Variants in IQGAP2 observed in about 807,000 individuals in gnomAD.
The protein encoded by IQGAP2 is IQ motif containing GTPase activating protein 2.
A neutral mutation model predicts 201.3 loss-of-function variants in IQGAP2; 173 were observed. That is an observed-to-expected ratio of 0.86 (90% CI 0.76 to 0.98). The LOEUF (loss-of-function observed/expected upper bound fraction) is 0.98. Among genes scored for constraint, IQGAP2 ranks in the 50% least tolerant of loss-of-function variants. The probability of loss-of-function intolerance (pLI) is 0.00; values close to 1 mark genes in which losing one functional copy is unlikely to be tolerated. For missense variants in IQGAP2, 1,687 were observed against 1,864.8 expected (o/e 0.90, Z 1.76); for synonymous variants, 675 against 673.9 (o/e 1.00, Z -0.03).
At chr5:76,550,144 A>G (rs1743349469) in intron 2 of IQGAP2, among the ~76,000 whole-genome samples, 1 of 152,170 alleles carries the variant, frequency 6.6e-6, no homozygotes, top group Admixed American at 6.5e-5. Context: ...CAGACAAGTT[A>G]TTTGCTTCCA....
At chr5:76,651,326 C>T (rs956850323) in intron 17 of IQGAP2, among the ~76,000 whole-genome samples, 18 of 152,120 alleles carry the variant, frequency 1.2e-4, no homozygotes, top group Admixed American at 9.8e-4. Flanking sequence ...ATGTTTGGGC[C>T]AGGCATGGCT....
chr5:76,435,662 A>C (rs527352731), intron 1 of IQGAP2, among the ~76,000 whole-genome samples: 5 of 152,142 alleles, frequency 3.3e-5, no homozygotes, highest in Non-Finnish European at 7.4e-5. Flanking sequence ...TGCTTTGACT[A>C]TTCAGGCTGT....
intron 21 of IQGAP2, among the ~76,000 whole-genome samples, chr5:76,662,209 T>C (rs3797444): frequency 0.78 from 118,245 of 152,152 alleles, 46,552 homozygotes; most frequent in African/African-American, 0.88. Flanking sequence ...CCGGGCTCTG[T>C]CCTTGGAGCT....
At chr5:76,619,422 C>T (rs1459409393) in intron 13 of IQGAP2, among the ~76,000 whole-genome samples, 1 of 151,756 alleles carries the variant, frequency 6.6e-6, no homozygotes, top group African/African-American at 2.4e-5. Context: ...TAGCCCCCCG[C>T]AAAGATTCTA....
At chr5:76,481,606 A>T (rs1580285350) in intron 2 of IQGAP2, among the ~76,000 whole-genome samples, 2 of 151,112 alleles carry the variant, frequency 1.3e-5, no homozygotes, top group Admixed American at 1.3e-4. Flanking sequence ...CTTGTCTTGA[A>T]CTCCTGACCT....
At chr5:76,452,922 T>G (rs537137896) in intron 1 of IQGAP2, among the ~76,000 whole-genome samples, 1 of 146,792 alleles carries the variant, frequency 6.8e-6, no homozygotes, top group South Asian at 2.2e-4. Flanking sequence ...TTTTTTTTTT[T>G]TTTTTTGAGA....
chr5:76,421,269 T>C (rs1007345519), intron 1 of IQGAP2, among the ~76,000 whole-genome samples: 2 of 152,094 alleles, frequency 1.3e-5, no homozygotes, highest in Admixed American at 6.6e-5. Flanking sequence ...TGGGAGGTCA[T>C]GTGTAAATTC....
intron 10 of IQGAP2, among the ~76,000 whole-genome samples, chr5:76,600,492 T>A (rs916053224): frequency 4.6e-5 from 7 of 152,330 alleles, no homozygotes; most frequent in Admixed American, 3.9e-4. Context: ...GTCCTTGGCT[T>A]AATTATATGG....
At chr5:76,700,794 G>C (rs1171522085) in intron 33 of IQGAP2, among the ~76,000 whole-genome samples, 7 of 152,064 alleles carry the variant, frequency 4.6e-5, no homozygotes, top group African/African-American at 1.7e-4. Context: ...ATAGCCACTT[G>C]GTTCAATATA....
At chr5:76,587,423 TAAC>T (rs1196144155) in intron 5 of IQGAP2, among the ~76,000 whole-genome samples, 12 of 152,326 alleles carry the variant, frequency 7.9e-5, no homozygotes, top group East Asian at 7.7e-4. Flanking sequence ...TATTAATTAA[TAAC>T]AATCTAAATG....
At chr5:76,640,084 A>G (rs1248074688) in intron 16 of IQGAP2, among the ~76,000 whole-genome samples, 1 of 152,102 alleles carries the variant, frequency 6.6e-6, no homozygotes, top group East Asian at 1.9e-4. Flanking sequence ...TGGAAGGTCT[A>G]ACACTGTTAT....
At chr5:76,608,262 A>G (rs1013614235) in intron 12 of IQGAP2, among the ~76,000 whole-genome samples, 7 of 152,242 alleles carry the variant, frequency 4.6e-5, no homozygotes, top group Admixed American at 3.9e-4. Context: ...CACTTCTGTT[A>G]AGTATCTTGT....
At chr5:76,684,129 G>A (rs1745540069) in intron 30 of IQGAP2, among the ~76,000 whole-genome samples, 1 of 152,140 alleles carries the variant, frequency 6.6e-6, no homozygotes, top group African/African-American at 2.4e-5. Context: ...ACCTTCCTTG[G>A]TTTTTAGTTT....
intron 12 of IQGAP2, 85 bp from the exon 13 acceptor site, chr5:76,610,935 G>A: frequency 8.9e-7 from 1 of 1,129,324 alleles, no homozygotes; most frequent in Non-Finnish European, 1.3e-6. Flanking sequence ...TGCTGTACTA[G>A]TTAATTAGCC....
intron 1 of IQGAP2, among the ~76,000 whole-genome samples, chr5:76,435,296 T>G (rs1315232896): frequency 1.3e-5 from 2 of 152,312 alleles, no homozygotes; most frequent in East Asian, 3.9e-4. Flanking sequence ...AAAAGAGTTT[T>G]TCCTGGGTTT....
At chr5:76,608,024 CA>C (rs1181762332) in intron 12 of IQGAP2, 1 of 152,330 alleles carries the variant, frequency 6.6e-6, no homozygotes, top group South Asian at 2.1e-4. Flanking sequence ...CATTGATTAA[CA>C]GGGGGAAAAT....
At chr5:76,666,390 C>T (rs146765175) in intron 22 of IQGAP2, among the ~76,000 whole-genome samples, 31 of 152,228 alleles carry the variant, frequency 2.0e-4, no homozygotes, top group African/African-American at 7.5e-4. Context: ...TTTTTTACAC[C>T]CATGAAATTT....
chr5:76,693,487 T>A (rs764098909), intron 31 of IQGAP2, 45 bp downstream of exon 31: 4 of 1,215,544 alleles, frequency 3.3e-6, no homozygotes, highest in Non-Finnish European at 4.9e-6. Flanking sequence ...AGGTGTTGAT[T>A]TTCTTCATAA....
chr5:76,433,930 T>C (rs977629170), intron 1 of IQGAP2, among the ~76,000 whole-genome samples: 4 of 152,186 alleles, frequency 2.6e-5, no homozygotes, highest in East Asian at 1.9e-4. Flanking sequence ...TATGAAGTTA[T>C]GAGGCTATAA....
Sources: gnomAD v4.1 joint callset for allele counts (sites outside exome capture counted in the v4.1 genomes callset) on GRCh38, gnomAD v4.1.1 for gene constraint, MANE v1.5 for transcripts, NCBI Gene and HGNC (gene_info 2026-07-23, HGNC 2026-07-21) for gene names.